Variants in L3MBTL4 observed in about 807,000 individuals in gnomAD.
L3MBTL4 encodes the protein L3MBTL histone methyl-lysine binding protein 4, also known as lethal(3)malignant brain tumor-like protein 4.
A neutral mutation model predicts 84.5 loss-of-function variants in L3MBTL4; 70 were observed. That is an observed-to-expected ratio of 0.83 (90% confidence interval 0.68 to 1.01). The LOEUF (loss-of-function observed/expected upper bound fraction) is 1.01. Ranked by LOEUF, L3MBTL4 falls within the 50% of genes least tolerant of loss-of-function variation. L3MBTL4 has a pLI of 0.00. For missense variants in L3MBTL4, 715 were observed against 754.8 expected (o/e 0.95, Z 0.62); for synonymous variants, 274 against 259.8 (o/e 1.05, Z -0.52).
intron 17 of L3MBTL4, among the ~76,000 whole-genome samples, chr18:5,962,262 G>A (rs927045812): frequency 6.6e-6 from 1 of 152,098 alleles, no homozygotes; most frequent in Non-Finnish European, 1.5e-5. Flanking sequence ...GGAAGAAGGG[G>A]GTCTGTGAGA....
intron 3 of L3MBTL4, among the ~76,000 whole-genome samples, chr18:6,305,109 C>T (rs796145253): frequency 5.3e-5 from 8 of 152,278 alleles, no homozygotes; most frequent in African/African-American, 1.9e-4. Context: ...TACACATATA[C>T]ACACGAAAGA....
rs186645621 is a variant in L3MBTL4 at position 6,102,348 on chromosome 18, A to G, written c.1200-8820T>C. On this transcript the variant is annotated intron_variant, in intron 14 of 18. Coordinates refer to ENST00000317931, the MANE Select transcript of L3MBTL4 (RefSeq NM_001330559.2). ...CTCAATCAGTGCAGAACTTGTTCTC[A>G]GTCTCTCATCTCACTCCCTTAATCA... Among the ~76,000 whole-genome samples, 4 of 152,342 alleles carry G rather than the reference A, an allele frequency of 2.6e-5. No homozygotes were observed. In the East Asian group the frequency reaches 5.8e-4, roughly 22 times the overall value.
intron 13 of L3MBTL4, among the ~76,000 whole-genome samples, chr18:6,142,925 T>C (rs1478995529): frequency 6.6e-6 from 1 of 152,166 alleles, no homozygotes; most frequent in Non-Finnish European, 1.5e-5. Context: ...TTAAGAAATA[T>C]GCTTGTGTCA....
chr18:6,375,259 C>T (rs2144254860), intron 1 of L3MBTL4, among the ~76,000 whole-genome samples: 1 of 152,182 alleles, frequency 6.6e-6, no homozygotes, highest in Non-Finnish European at 1.5e-5. Flanking sequence ...GCTCTCTCTC[C>T]CCCATTTATG....
At chr18:6,143,924 G>A (rs993042034) in intron 13 of L3MBTL4, among the ~76,000 whole-genome samples, 14 of 152,210 alleles carry the variant, frequency 9.2e-5, no homozygotes, top group South Asian at 6.2e-4. Flanking sequence ...ACGGCTGGGC[G>A]CGGTGGCTCA....
intron 16 of L3MBTL4, among the ~76,000 whole-genome samples, chr18:6,023,311 T>C (rs1227884516): frequency 6.6e-6 from 1 of 152,212 alleles, no homozygotes; most frequent in Non-Finnish European, 1.5e-5. Flanking sequence ...TGCATCTGAG[T>C]GCACTGATTC....
Position 6,005,583 on chromosome 18 carries a change from T to C in L3MBTL4, c.1445-36021A>G, listed in dbSNP as rs143837630. ...TAGCTCCCACTAATAAGTGAGAACATGTGGTATTTGGTTTTCTGTTCCTGT... is the reference window on the plus strand; with the variant it reads ...TAGCTCCCACTAATAAGTGAGAACACGTGGTATTTGGTTTTCTGTTCCTGT... On this transcript the variant is annotated intron_variant, in intron 16 of 18. Transcript: ENST00000317931. 8.5e-3 allele frequency among the ~76,000 whole-genome samples: 1,300 copies of C among 152,316 alleles called. 8 individuals are homozygous for C. The highest frequency in any genetic ancestry group is 0.071 in the Middle Eastern group (21 of 294).
chr18:6,238,896 C>T (rs2047331773), intron 9 of L3MBTL4, among the ~76,000 whole-genome samples: 1 of 151,354 alleles, frequency 6.6e-6, no homozygotes. Context: ...GCCATGACCT[C>T]TTGCATATTT....
chr18:6,018,297 A>G (rs1320632141), intron 16 of L3MBTL4, among the ~76,000 whole-genome samples: 1 of 152,172 alleles, frequency 6.6e-6, no homozygotes. Context: ...AGTGAAAAAT[A>G]TACCAACACT....
chr18:6,041,316 A>C (rs773977860), intron 16 of L3MBTL4, among the ~76,000 whole-genome samples: 1 of 152,220 alleles, frequency 6.6e-6, no homozygotes, highest in Non-Finnish European at 1.5e-5. Flanking sequence ...GGCCATGCCC[A>C]CCACATCTGC....
At chr18:6,301,019 AC>A (rs1479579660) in intron 4 of L3MBTL4, among the ~76,000 whole-genome samples, 10 of 152,240 alleles carry the variant, frequency 6.6e-5, no homozygotes, top group Non-Finnish European at 1.2e-4. Context: ...AAATAAAAAA[AC>A]ATAGCTTTTA....
At chr18:6,015,080 T>C (rs1232155501) in intron 16 of L3MBTL4, among the ~76,000 whole-genome samples, 3 of 151,754 alleles carry the variant, frequency 2.0e-5, no homozygotes, top group Non-Finnish European at 4.4e-5. Flanking sequence ...GTCATACAAA[T>C]GGAGTATTTA....
At chr18:6,140,232 C>A (rs1429089812) in intron 13 of L3MBTL4, among the ~76,000 whole-genome samples, 1 of 152,152 alleles carries the variant, frequency 6.6e-6, no homozygotes, top group Non-Finnish European at 1.5e-5. Context: ...CTTCCTCAGC[C>A]CCTTCTGAGG....
At chr18:6,164,461 G>A (rs753595063) in intron 13 of L3MBTL4, among the ~76,000 whole-genome samples, 2 of 152,154 alleles carry the variant, frequency 1.3e-5, no homozygotes, top group Non-Finnish European at 2.9e-5. Flanking sequence ...TCACACGGCT[G>A]GGTACTCCTC....
chr18:6,239,583 T>C, intron 9 of L3MBTL4, 135 bp downstream of exon 9: 8 of 786,816 alleles, frequency 1.0e-5, no homozygotes, highest in South Asian at 1.7e-5. Flanking sequence ...GAGAAGGTAA[T>C]GAACAGTCAA....
At chr18:6,402,252 T>C (rs1568611096) in intron 1 of L3MBTL4, among the ~76,000 whole-genome samples, 1 of 152,216 alleles carries the variant, frequency 6.6e-6, no homozygotes, top group Non-Finnish European at 1.5e-5. Context: ...TTAAATTCAT[T>C]GCACAATCTA....
chr18:6,243,804 G>A (rs1300893497), intron 6 of L3MBTL4, among the ~76,000 whole-genome samples: 1 of 152,170 alleles, frequency 6.6e-6, no homozygotes, highest in Non-Finnish European at 1.5e-5. Flanking sequence ...GACAGTGTAA[G>A]CTAAAGTACA....
chr18:6,259,927 C>A (rs1024891253), intron 5 of L3MBTL4: 1 of 152,162 alleles, frequency 6.6e-6, no homozygotes, highest in African/African-American at 2.4e-5. Flanking sequence ...TGAGGTCTTA[C>A]ATTTAAATTA....
chr18:6,203,705 A>G (rs1285421047), intron 12 of L3MBTL4, among the ~76,000 whole-genome samples: 2 of 152,150 alleles, frequency 1.3e-5, no homozygotes, highest in Admixed American at 6.5e-5. Flanking sequence ...GGCATTGCAA[A>G]CTTCAGTGCA....
Sources: gnomAD v4.1 joint callset for allele counts (sites outside exome capture counted in the v4.1 genomes callset) on GRCh38, gnomAD v4.1.1 for gene constraint, MANE v1.5 for transcripts, NCBI Gene and HGNC (gene_info 2026-07-23, HGNC 2026-07-21) for gene names.